MERTK: variants seen among roughly 807,000 people sequenced by gnomAD.
MERTK encodes MER proto-oncogene, tyrosine kinase.
Under a neutral mutation model 99.3 loss-of-function variants are expected in MERTK, and 69 were observed. That is an observed-to-expected ratio of 0.70 (90% CI 0.57 to 0.85). The LOEUF is 0.85. Ranked by LOEUF, MERTK falls within the 40% of genes least tolerant of loss-of-function variation. The pLI, the probability that MERTK is intolerant of heterozygous loss-of-function variation, is 0.00. For synonymous variants in MERTK, 426 were observed against 467.6 expected, an observed-to-expected ratio of 0.91 and a Z score of 1.15; for missense variants, 1,125 against 1,249.4, an observed-to-expected ratio of 0.90 and a Z score of 1.50.
intron 4 of MERTK, among the ~76,000 whole-genome samples, chr2:111,957,422 A>G (rs1685170176): frequency 6.7e-6 from 1 of 149,276 alleles, no homozygotes; most frequent in African/African-American, 2.5e-5. Context: ...CCTCACTCCT[A>G]CTCTTTCCTC....
intron 4 of MERTK, among the ~76,000 whole-genome samples, chr2:111,963,671 G>C (rs1364801447): frequency 2.0e-5 from 3 of 152,292 alleles, no homozygotes; most frequent in African/African-American, 7.2e-5. Flanking sequence ...GGGAGCACGG[G>C]GTTGGGGGTA....
chr2:112,028,529 A>G lies in MERTK; in HGVS notation c.2665A>G (p.Thr889Ala). Residue 889 changes from threonine to alanine, a missense_variant, in exon 19 of 19, where the codon ACC becomes GCC. Coordinates refer to ENST00000295408, the MANE Select transcript of MERTK (RefSeq NM_006343.3). ...CTCTGAGGGCCTGGCCCAGGGCTCC[A>G]CCCTTGCTCCACTGGACTTGAACAT... ...ESSEGLAQGSTLAPLDLNIDP... is the reference protein window; with the variant it reads ...ESSEGLAQGSALAPLDLNIDP... 6.2e-7 allele frequency: 1 copy of G among 1,614,186 alleles called. No individual in the cohort carries two copies. Among genetic ancestry groups the G allele is most frequent in the Non-Finnish European group, 8.5e-7 (1 of 1,180,042 alleles).
At position 112,001,196 on chromosome 2, in the gene MERTK, C is replaced by G; in HGVS notation, c.1605-5C>G. ...AGTGAAGTATCTTTGTTTTCATTCACCCAGGAATGCATTCACAGAGGAGGA... is the reference window on the plus strand; with the variant it reads ...AGTGAAGTATCTTTGTTTTCATTCAGCCAGGAATGCATTCACAGAGGAGGA... On this transcript the variant is annotated splice_polypyrimidine_tract_variant and splice_region_variant and intron_variant, in intron 10 of 18. Transcript: ENST00000295408. The G allele has an allele frequency of 6.2e-7, 1 of 1,607,564 alleles. No individual in the cohort carries two copies. The highest frequency in any genetic ancestry group is 8.5e-7 in the Non-Finnish European group (1 of 1,174,066).
chr2:111,970,282 G>A (rs531897795), intron 6 of MERTK, among the ~76,000 whole-genome samples: 17 of 151,440 alleles, frequency 1.1e-4, no homozygotes, highest in African/African-American at 3.9e-4. Context: ...TCACCCACCC[G>A]AGTAGCTGGG....
chr2:111,910,514 C>T (rs971499540), intron 1 of MERTK, among the ~76,000 whole-genome samples: 3 of 151,892 alleles, frequency 2.0e-5, no homozygotes, highest in African/African-American at 7.3e-5. Flanking sequence ...AGGTGATCCA[C>T]CCGCCTCAGT....
chr2:112,008,454 C>T lies in MERTK; in HGVS notation c.1939C>T (p.Pro647Ser), dbSNP rs1677030361. Residue 647 changes from proline to serine, a missense_variant, in exon 14 of 19, where the codon CCA becomes TCA. Transcript: ENST00000295408. ...EAACMKDFSH[P>S]NVIRLLGVCI... ...AGCGTGCATGAAAGACTTCAGCCAC[C>T]CAAATGTCATTCGACTTCTAGGTAC... 6.2e-7 allele frequency: 1 copy of T among 1,614,024 alleles called. No homozygotes were observed. The highest frequency in any genetic ancestry group is 8.5e-7 in the Non-Finnish European group (1 of 1,179,938).
At chr2:112,003,869 CACAGTGTCCAT>C (rs756770297) in intron 12 of MERTK, 24 bp from the exon 13 acceptor site, 14 of 1,532,552 alleles carry the variant, frequency 9.1e-6, no homozygotes, top group Non-Finnish European at 1.2e-5. Flanking sequence ...GAAGAGTTTG[CACAGTGTCCAT>C]ACAGGTGTTC....
chr2:111,980,373 G>A (rs1008805581), intron 7 of MERTK, among the ~76,000 whole-genome samples: 2 of 149,254 alleles, frequency 1.3e-5, no homozygotes, highest in African/African-American at 4.9e-5. Flanking sequence ...TGCCAGGTGT[G>A]TAGGCATGGA....
At chr2:111,997,239 C>T (rs1337463287) in intron 9 of MERTK, 84 bp from the exon 10 acceptor site, 1 of 1,456,554 alleles carries the variant, frequency 6.9e-7, no homozygotes, top group Non-Finnish European at 9.7e-7. Flanking sequence ...GTTCTGAAAG[C>T]TTTGACTATT....
intron 7 of MERTK, among the ~76,000 whole-genome samples, chr2:111,979,816 TTTTG>T (rs1676331939): frequency 6.6e-6 from 1 of 152,128 alleles, no homozygotes; most frequent in African/African-American, 2.4e-5. Context: ...CTCAATTATT[TTTTG>T]TTTGTTTGTC....
chr2:112,017,544 C>A (rs1029967157), intron 15 of MERTK, among the ~76,000 whole-genome samples: 1 of 151,842 alleles, frequency 6.6e-6, no homozygotes, highest in Non-Finnish European at 1.5e-5. Flanking sequence ...GCAGGAGAAT[C>A]GCTTGAACCT....
chr2:111,982,790 A>C, intron 7 of MERTK, 52 bp from the exon 8 acceptor site: 3 of 1,599,358 alleles, frequency 1.9e-6, no homozygotes, highest in Non-Finnish European at 2.6e-6. Context: ...ATGAGAATAC[A>C]TCTGTGTGTG....
intron 13 of MERTK, among the ~76,000 whole-genome samples, chr2:112,007,022 GT>G (rs1263093556): frequency 6.6e-6 from 1 of 151,814 alleles, no homozygotes; most frequent in Non-Finnish European, 1.5e-5. Flanking sequence ...CTTTTTATTT[GT>G]TTTTAATTGT....
At chr2:112,010,603 C>T (rs1468836584) in intron 15 of MERTK, among the ~76,000 whole-genome samples, 2 of 152,122 alleles carry the variant, frequency 1.3e-5, no homozygotes, top group African/African-American at 4.8e-5. Context: ...GAGGCAGTTA[C>T]GGATCATCTA....
chr2:111,900,364 TG>T (rs1204586610), intron 1 of MERTK, among the ~76,000 whole-genome samples: 1 of 152,172 alleles, frequency 6.6e-6, no homozygotes, highest in Non-Finnish European at 1.5e-5. Flanking sequence ...TGTTCTCCAC[TG>T]CCCCTCCCTC....
At chr2:111,907,504 C>T (rs1684158758) in intron 1 of MERTK, among the ~76,000 whole-genome samples, 1 of 152,218 alleles carries the variant, frequency 6.6e-6, no homozygotes, top group Admixed American at 6.5e-5. Flanking sequence ...TAAGTACCCC[C>T]TCCAACTCTG....
At chr2:111,933,274 C>T (rs1684706537) in intron 2 of MERTK, among the ~76,000 whole-genome samples, 1 of 152,216 alleles carries the variant, frequency 6.6e-6, no homozygotes, top group Admixed American at 6.5e-5. Context: ...TCTCTTCTCA[C>T]ATCTCCTGGG....
At chr2:111,906,615 A>T (rs1270302263) in intron 1 of MERTK, among the ~76,000 whole-genome samples, 1 of 152,332 alleles carries the variant, frequency 6.6e-6, no homozygotes. Flanking sequence ...CCAGTTTTTC[A>T]CTTGTTCCAA....
intron 12 of MERTK, 158 bp downstream of exon 12, chr2:112,003,345 T>C: frequency 1.9e-6 from 1 of 528,196 alleles, no homozygotes. Flanking sequence ...AGACTATTGA[T>C]TTTTGAAACT....
Sources: allele counts gnomAD v4.1 joint callset (sites outside exome capture counted in the v4.1 genomes callset), GRCh38; gene constraint gnomAD v4.1.1; transcripts MANE v1.5; gene names NCBI Gene and HGNC (gene_info 2026-07-23, HGNC 2026-07-21).